Variants in CBFA2T2 observed in about 807,000 individuals in gnomAD.
CBFA2T2 encodes CBFA2/RUNX1 partner transcriptional co-repressor 2.
In CBFA2T2, 11 loss-of-function variants were observed where a neutral mutation model predicts 62.2. The ratio of observed to expected loss-of-function variants is 0.18; its 90% CI spans 0.11 to 0.29. The LOEUF (loss-of-function observed/expected upper bound fraction) is 0.29, where lower values mean the gene tolerates loss of function less well. Among genes scored for constraint, CBFA2T2 ranks in the 10% least tolerant of loss-of-function variants. CBFA2T2 has a pLI of 1.00. For synonymous variants in CBFA2T2, 295 were observed against 287.5 expected, an observed-to-expected ratio of 1.03 and a Z score of -0.27; for missense variants, 592 against 774.1, an observed-to-expected ratio of 0.76 and a Z score of 2.79.
At chr20:33,541,033 A>G (rs2012397626) in intron 1 of CBFA2T2, among the ~76,000 whole-genome samples, 1 of 152,242 alleles carries the variant, frequency 6.6e-6, no homozygotes, top group Non-Finnish European at 1.5e-5. Flanking sequence ...AAAGTTTAAG[A>G]TGCACTGTGG....
chr20:33,525,578 A>G (rs895587981), intron 1 of CBFA2T2, among the ~76,000 whole-genome samples: 2 of 152,122 alleles, frequency 1.3e-5, no homozygotes, highest in African/African-American at 4.8e-5. Flanking sequence ...GTGAATATTT[A>G]TATCACTCCG....
At chr20:33,601,356 T>C (rs556341362) in intron 1 of CBFA2T2, among the ~76,000 whole-genome samples, 1 of 152,216 alleles carries the variant, frequency 6.6e-6, no homozygotes, top group East Asian at 1.9e-4. Context: ...CCTCTGCCTC[T>C]CGTGTTCAAG....
intron 1 of CBFA2T2, among the ~76,000 whole-genome samples, chr20:33,495,637 G>A (rs768493952): frequency 1.3e-5 from 2 of 152,098 alleles, no homozygotes; most frequent in African/African-American, 4.8e-5. Context: ...GTTGCAGTGT[G>A]CTGAGATCGT....
chr20:33,629,630 G>C (rs2016376791), intron 7 of CBFA2T2, 89 bp from the exon 8 acceptor site: 1 of 1,180,170 alleles, frequency 8.5e-7, no homozygotes, highest in South Asian at 1.5e-5. Context: ...TAAGGAACCT[G>C]AATTCCTCAT....
rs2017078091 is a variant in CBFA2T2, at chr20:33,647,074, T to C, written c.*2428T>C. ...AAGCCCCACAGTTTTCCAGTCAGCC[T>C]AATACATGGGTATCCCCCGACCCCA... On this transcript the variant is annotated 3_prime_UTR_variant, in exon 11 of 11. Coordinates refer to ENST00000342704, the MANE Select transcript of CBFA2T2 (RefSeq NM_001032999.3). The C allele has an allele frequency of 6.6e-6, 1 of 152,128 alleles. No individual in the cohort carries two copies. 9.4% of individuals were successfully genotyped at this position (152,128 alleles called of 1,614,324 possible).
Position 33,623,125 on chromosome 20 carries a change from C to T in CBFA2T2, c.521C>T (p.Pro174Leu). The T allele has an allele frequency of 1.2e-6, 2 of 1,614,208 alleles. No homozygotes were observed. Among genetic ancestry groups the T allele is most frequent in the Non-Finnish European group, 1.7e-6 (2 of 1,180,046 alleles). The change falls in exon 5 of 11, where the codon CCC (proline) becomes CTC (leucine). Residue 174 changes from proline (P) to leucine (L), a missense_variant. Physicochemically the swap from Pro to Leu is moderately conservative, Grantham distance 98. Transcript: ENST00000342704. Reference protein sequence around the residue: ...FVIPFLKANLPLLQRELLHCA... With the variant: ...FVIPFLKANLLLLQRELLHCA... ...CCTCTTCCTTTCAAGGCCAACCTGCCCCTGCTGCAGCGGGAACTGCTGCAC... is the reference window on the plus strand; with the variant it reads ...CCTCTTCCTTTCAAGGCCAACCTGCTCCTGCTGCAGCGGGAACTGCTGCAC...
At chr20:33,548,503 C>T (rs1012057454) in intron 1 of CBFA2T2, among the ~76,000 whole-genome samples, 3 of 151,728 alleles carry the variant, frequency 2.0e-5, no homozygotes, top group African/African-American at 7.3e-5. Flanking sequence ...CTCCGCCTCC[C>T]AAAGTGCTGG....
rs749532572 is a variant in CBFA2T2, at chr20:33,644,331, T to C, written c.1489-16T>C. 6 of 1,600,756 alleles carry C rather than the reference T, an allele frequency of 3.7e-6. No individual in the cohort carries two copies. The African/African-American group carries it at 4.0e-5, about 11-fold the overall frequency. Reference sequence around the variant, plus strand: ...CTCAATCCCAGCAACCACTAACTGATGCCTGTGTCTTGCAGAACTGCTGGA... The same window carrying C: ...CTCAATCCCAGCAACCACTAACTGACGCCTGTGTCTTGCAGAACTGCTGGA... On this transcript the variant is annotated splice_polypyrimidine_tract_variant and intron_variant, in intron 10 of 10. Coordinates refer to ENST00000342704, the MANE Select transcript of CBFA2T2 (RefSeq NM_001032999.3).
At chr20:33,534,898 TATAATA>T (rs796378520) in intron 1 of CBFA2T2, among the ~76,000 whole-genome samples, 1 of 151,816 alleles carries the variant, frequency 6.6e-6, no homozygotes, top group Non-Finnish European at 1.5e-5. Context: ...CCATAACAGA[TATAATA>T]ATAATGAGAA....
chr20:33,629,779 C>T lies in CBFA2T2; in HGVS notation c.1093C>T (p.Arg365Cys), dbSNP rs140481995. The T allele has an allele frequency of 6.4e-5, 104 of 1,613,988 alleles. No individual in the cohort carries two copies. The highest frequency in any genetic ancestry group is 9.3e-5 in the African/African-American group (7 of 74,872). Reference sequence around the variant, plus strand: ...AAGGCGCTCTATGGCAGTTCTGCGGCGCTGTCAGGAATCAGATCGTGAAGA... The same window carrying T: ...AAGGCGCTCTATGGCAGTTCTGCGGTGCTGTCAGGAATCAGATCGTGAAGA... Reference protein sequence around the residue: ...KTRRSMAVLRRCQESDREELN... With the variant: ...KTRRSMAVLRCCQESDREELN... The change falls in exon 8 of 11, where the codon CGC (arginine) becomes TGC (cysteine). Residue 365 changes from arginine to cysteine, a missense_variant. This residue lies in a region of CBFA2T2 where 449 missense variants were observed against 551.2 expected (regional missense o/e 0.81). Transcript: ENST00000342704.
chr20:33,520,109 C>T (rs1430105714), intron 1 of CBFA2T2, among the ~76,000 whole-genome samples: 2 of 152,112 alleles, frequency 1.3e-5, no homozygotes, highest in Non-Finnish European at 2.9e-5. Context: ...CACGCCATTG[C>T]ACTGGAGCCT....
chr20:33,510,272 G>T (rs190863981), intron 1 of CBFA2T2, among the ~76,000 whole-genome samples: 2 of 150,426 alleles, frequency 1.3e-5, no homozygotes, highest in Non-Finnish European at 1.5e-5. Flanking sequence ...GTGCAGTGGC[G>T]CTATCTTGGC....
rs1054865698 is a variant in CBFA2T2, at chr20:33,501,891, C to T, written c.34+11590C>T. Among the ~76,000 whole-genome samples, 4 of 152,046 alleles carry T rather than the reference C, an allele frequency of 2.6e-5. No homozygotes were observed. The South Asian group carries it at 6.2e-4, about 24-fold the overall frequency. ...CTGACCTCAGGTGATTCGCCTGAGT[C>T]AGCGTCACAAAGTGCTGGGATTACA... On this transcript the variant is annotated intron_variant, in intron 1 of 10. Coordinates refer to ENST00000342704, the MANE Select transcript of CBFA2T2 (RefSeq NM_001032999.3).
chr20:33,623,382 C>T lies in CBFA2T2; in HGVS notation c.692+86C>T, dbSNP rs996756710. On this transcript the variant is annotated intron_variant, in intron 5 of 10. Transcript: ENST00000342704. ...TTATAAAAGAGAGAGAATTTGATTG[C>T]TGTGGTTGTAATGTCTCAAACTTTT... 10 of 1,497,550 alleles carry T rather than the reference C, an allele frequency of 6.7e-6. No homozygotes were observed. The East Asian group carries it at 1.6e-4, about 24-fold the overall frequency. 92.8% of individuals were successfully genotyped at this position (1,497,550 alleles called of 1,614,324 possible).
At chr20:33,573,467 ACTT>A (rs748107934) in intron 1 of CBFA2T2, among the ~76,000 whole-genome samples, 29 of 151,004 alleles carry the variant, frequency 1.9e-4, no homozygotes, top group Middle Eastern at 6.8e-3. Flanking sequence ...TTTGAGTACT[ACTT>A]CTTCTTCTTC....
At chr20:33,580,145 A>G (rs2014045936) in intron 1 of CBFA2T2, among the ~76,000 whole-genome samples, 1 of 151,980 alleles carries the variant, frequency 6.6e-6, no homozygotes, top group Non-Finnish European at 1.5e-5. Context: ...TCTAATGCAG[A>G]GATATTCTTG....
At chr20:33,599,874 G>A (rs1234630063) in intron 1 of CBFA2T2, among the ~76,000 whole-genome samples, 1 of 152,092 alleles carries the variant, frequency 6.6e-6, no homozygotes, top group South Asian at 2.1e-4. Flanking sequence ...GATTACAGGC[G>A]TGAGCCACTG....
intron 2 of CBFA2T2, among the ~76,000 whole-genome samples, chr20:33,608,150 A>G (rs1407860940): frequency 2.0e-5 from 3 of 152,238 alleles, no homozygotes; most frequent in African/African-American, 7.2e-5. Context: ...ATAATCACCA[A>G]AAGAACCCCA....
At chr20:33,614,543 A>G (rs1380011269) in intron 3 of CBFA2T2, among the ~76,000 whole-genome samples, 1 of 152,314 alleles carries the variant, frequency 6.6e-6, no homozygotes, top group Admixed American at 6.5e-5. Flanking sequence ...AACTGCACCA[A>G]TTAAACAATA....
Sources: allele counts gnomAD v4.1 joint callset (sites outside exome capture counted in the v4.1 genomes callset), GRCh38; gene constraint gnomAD v4.1.1; regional missense constraint gnomAD v4.1.1; transcripts MANE v1.5; gene names NCBI Gene and HGNC (gene_info 2026-07-23, HGNC 2026-07-21).